The following CCDC62 variants were observed in gnomAD, a reference collection of about 807,000 sequenced individuals.
CCDC62 encodes the protein coiled-coil domain-containing protein 62.
In CCDC62, 72 loss-of-function variants were observed where a neutral mutation model predicts 80.8. The observed-to-expected ratio is 0.89, with a 90% CI of 0.74 to 1.08. CCDC62 has a LOEUF of 1.08. Among genes scored for constraint, CCDC62 ranks in the 50% least tolerant of loss-of-function variants. The pLI is 0.00. For missense variants in CCDC62, 704 were observed against 809.4 expected (o/e 0.87, Z 1.58); for synonymous variants, 286 against 296.5 (o/e 0.96, Z 0.36).
chr12:122,825,302 A>G (rs2032570696), intron 12 of CCDC62, among the ~76,000 whole-genome samples: 5 of 148,482 alleles, frequency 3.4e-5, no homozygotes, highest in Admixed American at 3.3e-4. Context: ...CAGTCTCCCA[A>G]GCAGCTGGGA....
chr12:122,816,193 G>A (rs1196410693), intron 11 of CCDC62, among the ~76,000 whole-genome samples: 3 of 152,202 alleles, frequency 2.0e-5, no homozygotes, highest in Non-Finnish European at 1.5e-5. Context: ...AGTGGAAACC[G>A]TGATGGACTC....
intron 8 of CCDC62, among the ~76,000 whole-genome samples, 157 bp downstream of exon 8, chr12:122,798,357 C>T (rs1228130734): frequency 6.6e-6 from 1 of 152,206 alleles, no homozygotes; most frequent in Non-Finnish European, 1.5e-5. Context: ...AATCCCAGCA[C>T]TTTGGGAGGC....
At chr12:122,800,057 A>G (rs1161461354) in intron 8 of CCDC62, among the ~76,000 whole-genome samples, 1 of 151,706 alleles carries the variant, frequency 6.6e-6, no homozygotes, top group African/African-American at 2.4e-5. Flanking sequence ...GCAGTGGTGC[A>G]ACCTCAGCTC....
rs1452409813 is a variant in CCDC62 at position 122,806,304 on chromosome 12, T to A, written c.1851+9T>A. 6.2e-7 allele frequency: 1 copy of A among 1,601,744 alleles called. No homozygotes were observed. Among genetic ancestry groups the A allele is most frequent in the African/African-American group, 1.3e-5 (1 of 74,700 alleles). On this transcript the variant is annotated intron_variant, in intron 10 of 12. Coordinates refer to ENST00000253079, the MANE Select transcript of CCDC62 (RefSeq NM_201435.5). Reference sequence around the variant, plus strand: ...CAGCATTCAATGAAAAGGTTCGTATTTTGCTTAGACATCCCCAGCTTACTC... The same window carrying A: ...CAGCATTCAATGAAAAGGTTCGTATATTGCTTAGACATCCCCAGCTTACTC...
chr12:122,784,529 GATA>G lies in CCDC62; in HGVS notation c.397-1175_397-1173del, dbSNP rs770660604. Among the ~76,000 whole-genome samples, 7 of 150,932 alleles carry G rather than the reference GATA, an allele frequency of 4.6e-5. No individual in the cohort carries two copies. The East Asian group carries it at 5.9e-4, about 13-fold the overall frequency. On this transcript the variant is annotated intron_variant, in intron 3 of 12. Coordinates refer to ENST00000253079, the MANE Select transcript of CCDC62 (RefSeq NM_201435.5). ...AGCGAGACTCCGTCTCAAAAATAAT[GATA>G]ATAATAATAATAATTAGGCTGGGTG...
chr12:122,802,696 G>A lies in CCDC62; in HGVS notation c.1706+844G>A, dbSNP rs973339229. The stretch of plus-strand genomic sequence containing the variant: ...CCCAAATTGCTGTGATTACAGGCAT[G>A]AGCCACCACACTTGGCCTCTACACA... On this transcript the variant is annotated intron_variant, in intron 9 of 12. Coordinates refer to ENST00000253079, the MANE Select transcript of CCDC62 (RefSeq NM_201435.5). Among the ~76,000 whole-genome samples, 91 of 150,432 alleles carry A rather than the reference G, an allele frequency of 6.0e-4. 1 individual carries two copies. The highest frequency in any genetic ancestry group is 1.0e-4 in the Non-Finnish European group (7 of 67,732).
In CCDC62 at chr12:122,826,993, C is replaced by A. The variant is rs982634894; in HGVS notation, c.*612C>A. ...TGTCCCAAGCTGAGCAGAGCCCCATCTTTCTGGGTCTATATTAGTCCCACC... is the reference window on the plus strand; with the variant it reads ...TGTCCCAAGCTGAGCAGAGCCCCATATTTCTGGGTCTATATTAGTCCCACC... On this transcript the variant is annotated 3_prime_UTR_variant, in exon 13 of 13. Transcript: ENST00000253079. 1 of 152,318 alleles carries A rather than the reference C, an allele frequency of 6.6e-6. No homozygotes were observed. Among genetic ancestry groups the A allele is most frequent in the Non-Finnish European group, 1.5e-5 (1 of 68,114 alleles). 9.4% of individuals were successfully genotyped at this position (152,318 alleles called of 1,614,324 possible). A position where few individuals can be genotyped will look rare whatever the true frequency, so the allele number is the denominator to read the frequency against.
chr12:122,804,562 G>T (rs1188922627), intron 9 of CCDC62, among the ~76,000 whole-genome samples: 2 of 152,106 alleles, frequency 1.3e-5, no homozygotes, highest in Admixed American at 1.3e-4. Flanking sequence ...AAGCAAGGAG[G>T]ATCTCTTGAG....
chr12:122,775,508 T>G (rs1879386961), intron 1 of CCDC62, among the ~76,000 whole-genome samples: 1 of 152,222 alleles, frequency 6.6e-6, no homozygotes, highest in African/African-American at 2.4e-5. Flanking sequence ...AGTGCATGAA[T>G]GAAGGGCTAA....
intron 12 of CCDC62, among the ~76,000 whole-genome samples, chr12:122,824,755 C>T (rs952351100): frequency 2.6e-5 from 4 of 152,142 alleles, no homozygotes; most frequent in Non-Finnish European, 2.9e-5. Context: ...ACGGAACCAG[C>T]GCAGATGCCC....
Position 122,781,197 on chromosome 12 carries a change from C to G in CCDC62, c.263C>G (p.Ser88Ter). The change falls in exon 3 of 13, where the codon TCA (serine) becomes TGA (stop). Residue 88 changes from serine to a stop codon, truncating the protein, a stop_gained. Transcript: ENST00000253079. LOFTEE classifies it high-confidence loss of function. Reference protein sequence around the residue: ...ELHKRTEIIRSLTKKVKALES... With the variant: ...ELHKRTEIIR ...CATAAAAGAACTGAAATAATCAGGT[C>G]ACTCACGAAGAAGGTAAAAGCTCTT... 1.2e-6 allele frequency: 2 copies of G among 1,613,828 alleles called. No homozygotes were observed. Among genetic ancestry groups the G allele is most frequent in the Non-Finnish European group, 1.7e-6 (2 of 1,179,882 alleles).
At chr12:122,789,072 A>G (rs113258633) in intron 5 of CCDC62, 143 bp downstream of exon 5, 1 of 615,442 alleles carries the variant, frequency 1.6e-6, no homozygotes, top group Non-Finnish European at 2.7e-6. Flanking sequence ...TCATTTATAT[A>G]GGATTATGCT....
chr12:122,801,841 C>T lies in CCDC62; in HGVS notation c.1695C>T (p.Asp565=). The change falls in exon 9 of 13, where the codon GAC becomes GAT. Residue 565 remains aspartate, a synonymous_variant. Transcript: ENST00000253079. The part of the protein sequence containing the change: ...CSESICGTQH[D]SPASELIAIQ... ...AAAGCATCTGTGGCACACAACATGA[C>T]TCCCCGGCAAGGTGAGTAACGTTCA... 1 of 1,613,580 alleles carries T rather than the reference C, an allele frequency of 6.2e-7. No individual in the cohort carries two copies.
intron 12 of CCDC62, 35 bp downstream of exon 12, chr12:122,823,494 A>C: frequency 7.1e-6 from 7 of 984,032 alleles, no homozygotes; most frequent in East Asian, 2.4e-5. Flanking sequence ...CTTATATCTC[A>C]ATTAATATTT....
intron 12 of CCDC62, among the ~76,000 whole-genome samples, chr12:122,823,703 TA>T (rs71811332): frequency 0.097 from 12,921 of 132,962 alleles, 826 homozygotes; most frequent in East Asian, 0.24. Context: ...CCTTGTCTCT[TA>T]AAAAAAAAAA....
chr12:122,811,314 C>T (rs1251662739), intron 10 of CCDC62, among the ~76,000 whole-genome samples: 18 of 144,194 alleles, frequency 1.2e-4, no homozygotes, highest in Admixed American at 2.9e-4. Context: ...CAGGTTCAAG[C>T]GATTCTCCTG....
chr12:122,799,661 A>G (rs2031174310), intron 8 of CCDC62, among the ~76,000 whole-genome samples: 1 of 152,232 alleles, frequency 6.6e-6, no homozygotes, highest in Non-Finnish European at 1.5e-5. Context: ...AAATTTTACA[A>G]GAAGTCTTTG....
intron 4 of CCDC62, 129 bp downstream of exon 4, chr12:122,785,949 G>A (rs923299916): frequency 1.4e-5 from 9 of 643,528 alleles, no homozygotes; most frequent in African/African-American, 3.7e-5. Flanking sequence ...TTTTTAAAAC[G>A]CCCATTTAGA....
chr12:122,813,404 T>C lies in CCDC62; in HGVS notation c.1986T>C (p.Thr662=). 6.2e-7 allele frequency: 1 copy of C among 1,612,718 alleles called. No individual in the cohort carries two copies. Among genetic ancestry groups the C allele is most frequent in the South Asian group, 1.1e-5 (1 of 90,918 alleles). ...TGCCCATCAGCCATGAGAATCTCAC[T>C]GGCAGTGCCACAAATGTATGCGTTT... The part of the protein sequence containing the change: ...TLLPISHENL[T]GSATNKSEVP... Residue 662 remains threonine (T), a synonymous_variant, in exon 11 of 13, where the codon ACT becomes ACC. Coordinates refer to ENST00000253079, the MANE Select transcript of CCDC62 (RefSeq NM_201435.5).
Sources: gnomAD v4.1 joint callset for allele counts (sites outside exome capture counted in the v4.1 genomes callset) on GRCh38, gnomAD v4.1.1 for gene constraint, MANE v1.5 for transcripts, NCBI Gene and HGNC (gene_info 2026-07-23, HGNC 2026-07-21) for gene names.